The following UBASH3A variants were observed in gnomAD, a reference collection of about 807,000 sequenced individuals.
UBASH3A encodes ubiquitin associated and SH3 domain containing A, also known as ubiquitin-associated and SH3 domain-containing protein A.
In UBASH3A, 63 loss-of-function variants were observed where a neutral mutation model predicts 73.5. That is an observed-to-expected ratio of 0.86 (90% confidence interval 0.70 to 1.06). UBASH3A has a LOEUF of 1.06. Ranked by LOEUF, UBASH3A falls within the 50% of genes least tolerant of loss-of-function variation. UBASH3A has a pLI of 0.00. For missense variants in UBASH3A, 860 were observed against 859.0 expected, an observed-to-expected ratio of 1.00 and a Z score of -0.02; for synonymous variants, 363 against 351.1, an observed-to-expected ratio of 1.03 and a Z score of -0.38.
chr21:42,404,532 AG>A (rs1481658888), intron 1 of UBASH3A, among the ~76,000 whole-genome samples: 1 of 152,202 alleles, frequency 6.6e-6, no homozygotes, highest in African/African-American at 2.4e-5. Context: ...GAAAATCAGA[AG>A]CCATGTATTA....
intron 7 of UBASH3A, among the ~76,000 whole-genome samples, chr21:42,420,351 T>C: frequency 6.6e-6 from 1 of 152,226 alleles, no homozygotes; most frequent in East Asian, 1.9e-4. Context: ...GGTATTGTTT[T>C]TTATTTGTAT....
intron 7 of UBASH3A, among the ~76,000 whole-genome samples, chr21:42,423,689 A>G (rs749618354): frequency 6.6e-5 from 10 of 152,366 alleles, no homozygotes; most frequent in African/African-American, 2.4e-4. Context: ...GACACCTGCC[A>G]TCAACATAAC....
chr21:42,405,837 G>T (rs963969433), intron 1 of UBASH3A, among the ~76,000 whole-genome samples: 6 of 152,146 alleles, frequency 3.9e-5, no homozygotes, highest in Non-Finnish European at 5.9e-5. Flanking sequence ...ACAAGTGCCT[G>T]CCTGGGTGCT....
chr21:42,445,761 T>C (rs1014406164), intron 14 of UBASH3A, among the ~76,000 whole-genome samples: 3 of 152,122 alleles, frequency 2.0e-5, no homozygotes, highest in Non-Finnish European at 2.9e-5. Flanking sequence ...GTCTCCAGGG[T>C]GGTGTGTCCC....
intron 3 of UBASH3A, chr21:42,410,272 ACTGCT>A: frequency 1.5e-6 from 1 of 672,938 alleles, no homozygotes; most frequent in South Asian, 1.6e-5. Context: ...ACAGACAGCC[ACTGCT>A]CTACTCAGCT....
At chr21:42,438,353 G>A (rs2053665045) in intron 11 of UBASH3A, among the ~76,000 whole-genome samples, 1 of 152,160 alleles carries the variant, frequency 6.6e-6, no homozygotes, top group Non-Finnish European at 1.5e-5. Flanking sequence ...CGGAAAGTGG[G>A]GGCAGGGACT....
At chr21:42,435,269 C>T (rs978410592) in intron 10 of UBASH3A, 6 of 201,614 alleles carry the variant, frequency 3.0e-5, no homozygotes, top group African/African-American at 9.3e-5. Context: ...GCTCACTTTT[C>T]AAATGGAAAA....
intron 11 of UBASH3A, among the ~76,000 whole-genome samples, chr21:42,442,126 G>T (rs555473084): frequency 6.6e-6 from 1 of 152,116 alleles, no homozygotes; most frequent in African/African-American, 2.4e-5. Context: ...CTGGTTTCAC[G>T]GTGGAGCTGT....
intron 14 of UBASH3A, among the ~76,000 whole-genome samples, 186 bp from the exon 15 acceptor site, chr21:42,446,871 C>A (rs112360704): frequency 0.011 from 1,601 of 152,310 alleles, 35 homozygotes; most frequent in African/African-American, 0.035. Context: ...TGTCCCCTGG[C>A]TAGGGGACAT....
intron 3 of UBASH3A, chr21:42,410,331 G>A (rs74332873): frequency 0.078 from 46,383 of 596,050 alleles, 2,254 homozygotes; most frequent in Middle Eastern, 0.12. Context: ...TTCTGCTACC[G>A]CGGCCTGGCC....
At chr21:42,419,228 A>C (rs2053286992) in intron 7 of UBASH3A, among the ~76,000 whole-genome samples, 1 of 152,200 alleles carries the variant, frequency 6.6e-6, no homozygotes, top group Non-Finnish European at 1.5e-5. Flanking sequence ...TCATCAGCTG[A>C]AGAATCTCTT....
Position 42,440,030 on chromosome 21 carries a change from C to T in UBASH3A, c.1487-2422C>T, listed in dbSNP as rs1044778311. Among the ~76,000 whole-genome samples the T allele has an allele frequency of 7.9e-5, 12 of 151,020 alleles. No homozygotes were observed. In the East Asian group the frequency reaches 1.6e-3, roughly 20 times the overall value. On this transcript the variant is annotated intron_variant, in intron 11 of 14. Transcript: ENST00000319294. Reference sequence around the variant, plus strand: ...CACACACAACACACACCCACACACACACCACACACACCACATACACCCCTT... The same window carrying T: ...CACACACAACACACACCCACACACATACCACACACACCACATACACCCCTT...
intron 9 of UBASH3A, 34 bp downstream of exon 9, chr21:42,432,236 A>G (rs368277790): frequency 7.0e-7 from 1 of 1,420,244 alleles, no homozygotes; most frequent in Non-Finnish European, 9.9e-7. Flanking sequence ...ACGGACAGAA[A>G]CACTGTAGAT....
chr21:42,432,691 C>T (rs945140318), intron 9 of UBASH3A, among the ~76,000 whole-genome samples: 6 of 152,196 alleles, frequency 3.9e-5, no homozygotes, highest in African/African-American at 1.4e-4. Context: ...AATCAATTCA[C>T]AGTTGCTAGG....
At chr21:42,430,858 C>G (rs2053516014) in intron 8 of UBASH3A, among the ~76,000 whole-genome samples, 1 of 152,214 alleles carries the variant, frequency 6.6e-6, no homozygotes, top group Non-Finnish European at 1.5e-5. Context: ...GGCAGCACCA[C>G]TGGGCCTGTG....
At chr21:42,441,766 T>G (rs547371794) in intron 11 of UBASH3A, among the ~76,000 whole-genome samples, 1 of 152,336 alleles carries the variant, frequency 6.6e-6, no homozygotes, top group African/African-American at 2.4e-5. Flanking sequence ...ATGAAAGAGC[T>G]CCTTCCATGG....
chr21:42,419,659 A>G (rs2053295361), intron 7 of UBASH3A, among the ~76,000 whole-genome samples: 1 of 152,236 alleles, frequency 6.6e-6, no homozygotes, highest in African/African-American at 2.4e-5. Context: ...ACTCGCTGCC[A>G]AGTCCCAAAG....
chr21:42,443,345 C>A lies in UBASH3A; in HGVS notation c.1665C>A (p.Ala555=). ...PAFPLSALMP[A]ESYQEYMDRC... is the part of the protein sequence containing the mutation. ...TTCCCCTGTCCGCCCTCATGCCGGC[C>A]GAGAGCTACCAGGAGTACATGGACA... Residue 555 remains alanine, a synonymous_variant, in exon 13 of 15, where the codon GCC becomes GCA. Coordinates refer to ENST00000319294, the MANE Select transcript of UBASH3A (RefSeq NM_018961.4). The A allele has an allele frequency of 1.9e-6, 3 of 1,613,218 alleles. No homozygotes were observed. The highest frequency in any genetic ancestry group is 2.5e-6 in the Non-Finnish European group (3 of 1,179,582).
At chr21:42,437,891 C>T (rs1461137994) in intron 11 of UBASH3A, among the ~76,000 whole-genome samples, 3 of 152,166 alleles carry the variant, frequency 2.0e-5, no homozygotes, top group South Asian at 2.1e-4. Flanking sequence ...AAGCGGCATT[C>T]GAAAACCTTG....
Sources: gnomAD v4.1 joint callset for allele counts (sites outside exome capture counted in the v4.1 genomes callset) on GRCh38, gnomAD v4.1.1 for gene constraint, MANE v1.5 for transcripts, NCBI Gene and HGNC (gene_info 2026-07-23, HGNC 2026-07-21) for gene names.